The following SNRNP40 variants were observed in gnomAD, a reference collection of about 807,000 sequenced individuals.
The protein encoded by SNRNP40 is U5 small nuclear ribonucleoprotein 40 kDa protein.
In SNRNP40, 21 loss-of-function variants were observed where a neutral mutation model predicts 45.8. The ratio of observed to expected loss-of-function variants is 0.46; its 90% CI spans 0.32 to 0.66. The LOEUF (loss-of-function observed/expected upper bound fraction) is 0.66, where lower values mean the gene tolerates loss of function less well. Ranked by LOEUF, SNRNP40 falls within the 30% of genes least tolerant of loss-of-function variation. The probability of loss-of-function intolerance (pLI) is 0.03; values close to 1 mark genes in which losing one functional copy is unlikely to be tolerated. For missense variants in SNRNP40, 344 were observed against 439.1 expected (o/e 0.78, Z 1.94); for synonymous variants, 142 against 163.8 (o/e 0.87, Z 1.01).
chr1:31,261,458 G>T, intron 9 of SNRNP40, 71 bp downstream of exon 9: 1 of 981,750 alleles, frequency 1.0e-6, no homozygotes, highest in South Asian at 1.4e-5. Context: ...ACCCGCTTTT[G>T]ACTCTCTATT....
intron 4 of SNRNP40, chr1:31,282,521 ATCT>A (rs1646024902): frequency 6.7e-6 from 1 of 148,186 alleles, no homozygotes; most frequent in Non-Finnish European, 1.5e-5. Flanking sequence ...CTATCTATCT[ATCT>A]AATCTGGGGA....
intron 1 of SNRNP40, among the ~76,000 whole-genome samples, chr1:31,293,691 C>T (rs1402735905): frequency 6.6e-6 from 1 of 152,168 alleles, no homozygotes; most frequent in Non-Finnish European, 1.5e-5. Flanking sequence ...AAGTGATCCT[C>T]CTGCCTCAGC....
intron 5 of SNRNP40, among the ~76,000 whole-genome samples, chr1:31,275,442 T>C (rs978473870): frequency 2.0e-5 from 3 of 152,100 alleles, no homozygotes; most frequent in African/African-American, 7.2e-5. Flanking sequence ...TCATCTGGAG[T>C]GCAGTGGTGC....
chr1:31,259,830 GAA>G lies in SNRNP40; in HGVS notation c.*240_*241del. On this transcript the variant is annotated 3_prime_UTR_variant, in exon 10 of 10. Transcript: ENST00000263694. Reference sequence around the variant, plus strand: ...ATTAGAAAACAGGAAAAAAGAAAAAGAAAAAAAAAAACAGTCCCTGAAATCTG... The same window carrying G: ...ATTAGAAAACAGGAAAAAAGAAAAAGAAAAAAAAACAGTCCCTGAAATCTG... 4 of 538,304 alleles carry G rather than the reference GAA, an allele frequency of 7.4e-6. No homozygotes were observed. The highest frequency in any genetic ancestry group is 3.6e-5 in the East Asian group (1 of 27,586). The allele number at this position is 538,304 out of a possible 1,614,324, so 33.3% of individuals were successfully genotyped here.
At chr1:31,278,286 C>T (rs1191761560) in intron 5 of SNRNP40, among the ~76,000 whole-genome samples, 1 of 152,174 alleles carries the variant, frequency 6.6e-6, no homozygotes, top group Non-Finnish European at 1.5e-5. Flanking sequence ...GTAAGCCATA[C>T]TATTGACAGT....
chr1:31,289,778 G>C (rs1293990308), intron 3 of SNRNP40, among the ~76,000 whole-genome samples: 2 of 152,226 alleles, frequency 1.3e-5, no homozygotes, highest in Non-Finnish European at 2.9e-5. Flanking sequence ...TGGTGCTGCA[G>C]AGATCAGACA....
At position 31,271,479 on chromosome 1, in the gene SNRNP40, G is replaced by C; in HGVS notation, c.675C>G (p.Asn225Lys). ...GGCCTCTCATGGTGTAGGTTAGCTT[G>C]TTCTGGCGCAGGTCCCAGACCTGCA... ...NDIKVWDLRQ[N>K]KLTYTMRGHA... The change falls in exon 6 of 10, where the codon AAC (asparagine) becomes AAG (lysine). Residue 225 changes from asparagine (N) to lysine (K), a missense_variant. Asn to Lys is a moderately conservative substitution (Grantham distance 94). This residue lies in a region of SNRNP40 where 254 missense variants were observed against 380.2 expected (regional missense o/e 0.67). Coordinates refer to ENST00000263694, the MANE Select transcript of SNRNP40 (RefSeq NM_004814.3). 6.2e-7 allele frequency: 1 copy of C among 1,613,416 alleles called. No individual in the cohort carries two copies. The highest frequency in any genetic ancestry group is 8.5e-7 in the Non-Finnish European group (1 of 1,179,810).
chr1:31,263,674 G>T, intron 8 of SNRNP40: 1 of 441,442 alleles, frequency 2.3e-6, no homozygotes, highest in South Asian at 1.7e-5. Context: ...CTGTATAACT[G>T]ATATGATATG....
chr1:31,263,521 C>T, intron 8 of SNRNP40: 1 of 389,844 alleles, frequency 2.6e-6, no homozygotes, highest in Non-Finnish European at 4.9e-6. Context: ...CTGAAATCAA[C>T]TCTGTTCCTA....
At chr1:31,282,570 T>TGG (rs1646025822) in intron 4 of SNRNP40, 1 of 125,602 alleles carries the variant, frequency 8.0e-6, no homozygotes, top group African/African-American at 3.0e-5. Context: ...TATCTATCTA[T>TGG]CTATCTATCT....
chr1:31,288,665 G>GACTTT, intron 4 of SNRNP40, among the ~76,000 whole-genome samples: 1 of 12,966 alleles, frequency 7.7e-5, no homozygotes, highest in South Asian at 8.2e-3. Context: ...TCTCAGAACA[G>GACTTT]CCTTTTTTTT....
At chr1:31,262,590 A>G (rs1329833984) in intron 8 of SNRNP40, among the ~76,000 whole-genome samples, 2 of 151,658 alleles carry the variant, frequency 1.3e-5, no homozygotes, top group African/African-American at 2.4e-5. Flanking sequence ...TATTTTAGAG[A>G]TAAGAAAACT....
Position 31,277,245 on chromosome 1 carries a change from A to T in SNRNP40, c.654+4129T>A, listed in dbSNP as rs539425075. Among the ~76,000 whole-genome samples the T allele has an allele frequency of 1.9e-4, 29 of 152,356 alleles. No individual in the cohort carries two copies. The South Asian group carries it at 5.8e-3, about 30-fold the overall frequency. ...AGAATGAATATTATAATGTTTACATACAAAACATTGTAGTACAGAAAAGAC... is the reference window on the plus strand; with the variant it reads ...AGAATGAATATTATAATGTTTACATTCAAAACATTGTAGTACAGAAAAGAC... On this transcript the variant is annotated intron_variant, in intron 5 of 9. Coordinates refer to ENST00000263694, the MANE Select transcript of SNRNP40 (RefSeq NM_004814.3).
At chr1:31,277,097 T>C (rs1375327922) in intron 5 of SNRNP40, among the ~76,000 whole-genome samples, 2 of 151,932 alleles carry the variant, frequency 1.3e-5, no homozygotes, top group Non-Finnish European at 2.9e-5. Flanking sequence ...CTTGGGAGGC[T>C]GAGGTGAGAG....
intron 4 of SNRNP40, 40 bp downstream of exon 4, chr1:31,289,214 C>T (rs770616376): frequency 1.1e-5 from 18 of 1,598,978 alleles, no homozygotes; most frequent in Non-Finnish European, 1.5e-5. Context: ...GTTCACATCA[C>T]ATCACCTCAG....
At chr1:31,264,352 A>T (rs1164495731) in intron 8 of SNRNP40, among the ~76,000 whole-genome samples, 1 of 152,178 alleles carries the variant, frequency 6.6e-6, no homozygotes, top group African/African-American at 2.4e-5. Context: ...CTTTCTTGTC[A>T]TGCACAAAAA....
intron 3 of SNRNP40, among the ~76,000 whole-genome samples, chr1:31,290,766 T>C (rs1646099954): frequency 6.6e-6 from 1 of 151,922 alleles, no homozygotes; most frequent in Admixed American, 6.6e-5. Context: ...TAATCCCAGC[T>C]ACTCAGGAGG....
intron 6 of SNRNP40, among the ~76,000 whole-genome samples, chr1:31,270,471 T>C (rs1278243670): frequency 1.3e-5 from 2 of 152,194 alleles, no homozygotes; most frequent in Non-Finnish European, 2.9e-5. Flanking sequence ...CTAGATTAAA[T>C]GTGTATAAAC....
At chr1:31,278,390 T>C (rs1645991050) in intron 5 of SNRNP40, among the ~76,000 whole-genome samples, 1 of 152,200 alleles carries the variant, frequency 6.6e-6, no homozygotes, top group South Asian at 2.1e-4. Flanking sequence ...ACTCTGTTGG[T>C]GGTAGTGAAT....
Sources: allele counts gnomAD v4.1 joint callset (sites outside exome capture counted in the v4.1 genomes callset), GRCh38; gene constraint gnomAD v4.1.1; regional missense constraint gnomAD v4.1.1; transcripts MANE v1.5; gene names NCBI Gene and HGNC (gene_info 2026-07-23, HGNC 2026-07-21).